KAT2B: variants seen among roughly 807,000 people sequenced by gnomAD.
KAT2B encodes the protein histone acetyltransferase KAT2B.
A neutral mutation model predicts 105.9 loss-of-function variants in KAT2B; 36 were observed. The ratio of observed to expected loss-of-function variants is 0.34; its 90% CI spans 0.26 to 0.45. The LOEUF is 0.45. Among genes scored for constraint, KAT2B ranks in the 20% least tolerant of loss-of-function variants. The probability of loss-of-function intolerance (pLI) is 1.00; values close to 1 mark genes in which losing one functional copy is unlikely to be tolerated. For missense variants in KAT2B, 820 were observed against 1,021.6 expected, an observed-to-expected ratio of 0.80 and a Z score of 2.69; for synonymous variants, 397 against 377.9, an observed-to-expected ratio of 1.05 and a Z score of -0.59.
At position 20,070,024 on chromosome 3, in the gene KAT2B, G is replaced by A. The variant is rs141602156; in HGVS notation, c.304-2309G>A. ...AGAATTTCAAGGCCAGGTTCAGCCT[G>A]GCAACAGAGAACTCTGGGGGTAAGA... On this transcript the variant is annotated intron_variant, in intron 1 of 17. Coordinates refer to ENST00000263754, the MANE Select transcript of KAT2B (RefSeq NM_003884.5). Among the ~76,000 whole-genome samples the A allele has an allele frequency of 1.3e-3, 199 of 152,232 alleles. 1 individual carries two copies. Among genetic ancestry groups the A allele is most frequent in the African/African-American group, 4.7e-3 (194 of 41,530 alleles).
At chr3:20,114,162 A>G (rs1333368793) in intron 6 of KAT2B, among the ~76,000 whole-genome samples, 2 of 152,122 alleles carry the variant, frequency 1.3e-5, no homozygotes, top group Non-Finnish European at 2.9e-5. Flanking sequence ...AGGTTTCCAG[A>G]TGATTTCTAT....
chr3:20,124,539 C>G (rs1699364825), intron 9 of KAT2B, among the ~76,000 whole-genome samples: 1 of 152,192 alleles, frequency 6.6e-6, no homozygotes, highest in African/African-American at 2.4e-5. Context: ...CATGAGGGGT[C>G]TGCCCTGATG....
intron 1 of KAT2B, among the ~76,000 whole-genome samples, chr3:20,071,201 C>T (rs774974747): frequency 2.0e-5 from 3 of 152,104 alleles, no homozygotes; most frequent in Non-Finnish European, 4.4e-5. Context: ...GTATATTTTG[C>T]AACTACAGTG....
Position 20,154,055 on chromosome 3 carries a change from T to G in KAT2B, c.*1530T>G, listed in dbSNP as rs1699910975. 6.6e-6 allele frequency: 1 copy of G among 152,620 alleles called. No individual in the cohort carries two copies. The highest frequency in any genetic ancestry group is 6.5e-5 in the Admixed American group (1 of 15,278). The allele number at this position is 152,620 out of a possible 1,614,324, so 9.5% of individuals were successfully genotyped here. On this transcript the variant is annotated 3_prime_UTR_variant, in exon 18 of 18. Coordinates refer to ENST00000263754, the MANE Select transcript of KAT2B (RefSeq NM_003884.5). ...TGGTGTCTAGATTTCTAATGAAGAA[T>G]CATGATACAGTTTGGATTAAGTATC...
At chr3:20,047,857 C>G (rs6805100) in intron 1 of KAT2B, among the ~76,000 whole-genome samples, 57,799 of 151,808 alleles carry the variant, frequency 0.38, 11,229 homozygotes, top group Admixed American at 0.45. Flanking sequence ...CTCAAGTGAT[C>G]TGTCTGCCTG....
intron 1 of KAT2B, among the ~76,000 whole-genome samples, chr3:20,043,146 T>A (rs1171609658): frequency 6.6e-6 from 1 of 152,102 alleles, no homozygotes; most frequent in Non-Finnish European, 1.5e-5. Context: ...CCCAAGCAAT[T>A]TGCCCGCCTT....
chr3:20,071,211 G>T (rs1698316193), intron 1 of KAT2B, among the ~76,000 whole-genome samples: 1 of 152,164 alleles, frequency 6.6e-6, no homozygotes, highest in Non-Finnish European at 1.5e-5. Context: ...CAACTACAGT[G>T]CACTTTGATT....
intron 3 of KAT2B, among the ~76,000 whole-genome samples, chr3:20,095,775 C>A (rs1314658871): frequency 1.3e-5 from 2 of 152,142 alleles, no homozygotes; most frequent in Non-Finnish European, 2.9e-5. Context: ...ATATATATTT[C>A]AGCAGAAGAG....
At chr3:20,052,590 C>T (rs1697933348) in intron 1 of KAT2B, among the ~76,000 whole-genome samples, 1 of 151,494 alleles carries the variant, frequency 6.6e-6, no homozygotes, top group Non-Finnish European at 1.5e-5. Context: ...GCCTGTAATC[C>T]CAGCACTTTA....
At chr3:20,086,236 A>G (rs1698612539) in intron 2 of KAT2B, among the ~76,000 whole-genome samples, 1 of 151,768 alleles carries the variant, frequency 6.6e-6, no homozygotes, top group Non-Finnish European at 1.5e-5. Flanking sequence ...TTGTGCCACT[A>G]CAATCCAGCC....
At position 20,060,026 on chromosome 3, in the gene KAT2B, G is replaced by A. The variant is rs143664817; in HGVS notation, c.304-12307G>A. Among the ~76,000 whole-genome samples, 278 of 152,290 alleles carry A rather than the reference G, an allele frequency of 1.8e-3. 3 individuals carry two copies. Among genetic ancestry groups the A allele is most frequent in the African/African-American group, 6.0e-3 (248 of 41,560 alleles). ...GGGCTTCTTATGCCGAGTGTAATGTGTTTGAGATACATCCATGTTGTAGCA... is the reference window on the plus strand; with the variant it reads ...GGGCTTCTTATGCCGAGTGTAATGTATTTGAGATACATCCATGTTGTAGCA... On this transcript the variant is annotated intron_variant, in intron 1 of 17. Transcript: ENST00000263754.
chr3:20,130,601 T>C (rs972325076), intron 11 of KAT2B, among the ~76,000 whole-genome samples: 5 of 152,206 alleles, frequency 3.3e-5, no homozygotes, highest in Non-Finnish European at 7.3e-5. Context: ...TTGGACACTT[T>C]TAGGGATACT....
At chr3:20,133,108 C>T (rs1196827761) in intron 11 of KAT2B, among the ~76,000 whole-genome samples, 1 of 152,146 alleles carries the variant, frequency 6.6e-6, no homozygotes, top group Non-Finnish European at 1.5e-5. Context: ...ATCCCATTTC[C>T]CCTTCCCACT....
chr3:20,114,766 A>G (rs1467166661), intron 6 of KAT2B, 116 bp from the exon 7 acceptor site: 16 of 614,640 alleles, frequency 2.6e-5, no homozygotes, highest in Non-Finnish European at 1.4e-5. Context: ...ATTCTCCATT[A>G]TATTTCTGAT....
At chr3:20,099,033 A>G (rs1698860797) in intron 3 of KAT2B, among the ~76,000 whole-genome samples, 1 of 147,298 alleles carries the variant, frequency 6.8e-6, no homozygotes, top group South Asian at 2.1e-4. Context: ...TAACTGACCC[A>G]CATGTAAAAG....
intron 5 of KAT2B, among the ~76,000 whole-genome samples, chr3:20,110,872 A>G (rs7637456): frequency 0.2 from 30,189 of 151,844 alleles, 3,818 homozygotes; most frequent in East Asian, 0.43. Flanking sequence ...AGCGTCGTGC[A>G]GTGATGCTGA....
chr3:20,101,132 A>T, intron 4 of KAT2B, 155 bp from the exon 5 acceptor site: 1 of 606,024 alleles, frequency 1.7e-6, no homozygotes, highest in Non-Finnish European at 2.9e-6. Context: ...CCCTCTGGGG[A>T]TTGCTATTTT....
At chr3:20,063,426 A>ATTCT (rs556894709) in intron 1 of KAT2B, among the ~76,000 whole-genome samples, 2 of 139,406 alleles carry the variant, frequency 1.4e-5, no homozygotes, top group African/African-American at 5.2e-5. Context: ...CTTTTAAGAG[A>ATTCT]TTCTTTCTTT....
chr3:20,047,606 CT>C (rs35457765), intron 1 of KAT2B, among the ~76,000 whole-genome samples: 21,723 of 117,426 alleles, frequency 0.18, 1,331 homozygotes, highest in African/African-American at 0.25. Flanking sequence ...CCGTGAGTAC[CT>C]TTTTTTTTTT....
Sources: allele counts gnomAD v4.1 joint callset (sites outside exome capture counted in the v4.1 genomes callset), GRCh38; gene constraint gnomAD v4.1.1; transcripts MANE v1.5; gene names NCBI Gene and HGNC (gene_info 2026-07-23, HGNC 2026-07-21).